SATB1: variants seen among roughly 807,000 people sequenced by gnomAD.
SATB1 encodes the protein DNA-binding protein SATB1.
Under a neutral mutation model 86.9 loss-of-function variants are expected in SATB1, and 11 were observed. The observed-to-expected ratio is 0.13, with a 90% CI of 0.08 to 0.21. The LOEUF (loss-of-function observed/expected upper bound fraction) is 0.21. SATB1 is among the 10% of genes least tolerant of loss of function. The pLI is 1.00. For synonymous variants in SATB1, 357 were observed against 357.2 expected (o/e 1.00, Z 0.01); for missense variants, 551 against 937.6 (o/e 0.59, Z 5.39).
intron 9 of SATB1, among the ~76,000 whole-genome samples, chr3:18,354,423 TCA>T (rs547856072): frequency 7.2e-5 from 11 of 152,204 alleles, no homozygotes; most frequent in Non-Finnish European, 1.3e-4. Context: ...ACACAGCAAA[TCA>T]CACAGTTTTA....
Position 18,443,821 on chromosome 3 carries a change from C to T in SATB1, c.-25+1697G>A, listed in dbSNP as rs546953869. On this transcript the variant is annotated intron_variant, in intron 1 of 3. Transcript: ENST00000415069. This position sits in a 1 kb window ranked among gnomAD's most constrained non-coding sequence, Gnocchi z 4.4. ...CGAGGCTGCACCTGTGATGTCCCGG[C>T]CCCTGCTAAGAGGACGGCCCTTTCT... is the stretch of plus-strand genomic sequence containing the variant. 7.9e-5 allele frequency among the ~76,000 whole-genome samples: 12 copies of T among 152,202 alleles called. No homozygotes were observed. The highest frequency in any genetic ancestry group is 1.0e-4 in the Non-Finnish European group (7 of 68,036).
upstream of SATB1, among the ~76,000 whole-genome samples, chr3:18,429,266 T>C (rs1052645584): frequency 3.9e-5 from 6 of 152,222 alleles, no homozygotes; most frequent in Admixed American, 2.6e-4. The surrounding 1 kb of genome is among the most constrained non-coding windows in gnomAD (Gnocchi z 4.1). Flanking sequence ...TTCTGCATCG[T>C]TTCCTGAATG....
At chr3:18,353,855 T>C (rs1260454669) in intron 9 of SATB1, among the ~76,000 whole-genome samples, 1 of 152,244 alleles carries the variant, frequency 6.6e-6, no homozygotes, top group East Asian at 1.9e-4. Context: ...TCAACATGTC[T>C]TTTAATTAAG....
upstream of SATB1, among the ~76,000 whole-genome samples, chr3:18,426,831 A>C (rs1450832226): frequency 6.6e-6 from 1 of 152,260 alleles, no homozygotes; most frequent in Non-Finnish European, 1.5e-5. The surrounding 1 kb of genome is among the most constrained non-coding windows in gnomAD (Gnocchi z 4.2). Context: ...ATACACTCTT[A>C]GGCACACTGT....
In SATB1 at chr3:18,444,675, G is replaced by A. The variant is rs958239010; in HGVS notation, c.-25+843C>T. 1.0e-4 allele frequency: 102 copies of A among 984,324 alleles called. No individual in the cohort carries two copies. The South Asian group carries it at 3.9e-3, about 38-fold the overall frequency. 61.0% of individuals were successfully genotyped at this position (984,324 alleles called of 1,614,324 possible). On this transcript the variant is annotated intron_variant, in intron 1 of 3. Coordinates refer to the SATB1 transcript ENST00000415069. This position sits in a 1 kb window ranked among gnomAD's most constrained non-coding sequence, Gnocchi z 5.1. ...CCTGAAACCAAGAACGGCTCCCCGG[G>A]CGGGCGCGCCGGCGTCGGACTTCCG...
chr3:18,368,325 A>G (rs997786982), intron 9 of SATB1, among the ~76,000 whole-genome samples: 6 of 152,240 alleles, frequency 3.9e-5, no homozygotes, highest in Admixed American at 1.3e-4. Context: ...TAGATGGAAG[A>G]AGAGTTCTAA....
Position 18,349,897 on chromosome 3 carries a change from T to TG in SATB1, c.1780-216dup, listed in dbSNP as rs1268326893. The TG allele has an allele frequency of 3.2e-5, 25 of 779,912 alleles. No individual in the cohort carries two copies. Among genetic ancestry groups the TG allele is most frequent in the Middle Eastern group, 3.8e-4 (1 of 2,608 alleles). The allele number at this position is 779,912 out of a possible 1,614,324, so 48.3% of individuals were successfully genotyped here. On this transcript the variant is annotated intron_variant, in intron 10 of 10. Coordinates refer to ENST00000338745, the MANE Select transcript of SATB1 (RefSeq NM_002971.6). This position sits in a 1 kb window ranked among gnomAD's most constrained non-coding sequence, Gnocchi z 5.5. ...AGGAAGGGATGAATTAAGACAGCTT[T>TG]GGGGGGCTACTGCACTTACTTATCA...
chr3:18,420,598 G>A (rs1411673724), intron 2 of SATB1, 159 bp downstream of exon 2: 3 of 642,898 alleles, frequency 4.7e-6, no homozygotes, highest in Non-Finnish European at 8.3e-6. Context: ...TTTCCAACGT[G>A]ATTGATACTA....
Position 18,352,960 on chromosome 3 carries a change from T to A in SATB1, c.1576-765A>T, listed in dbSNP as rs960250924. On this transcript the variant is annotated intron_variant, in intron 9 of 10. Coordinates refer to ENST00000338745, the MANE Select transcript of SATB1 (RefSeq NM_002971.6). The surrounding 1 kb of genome is among the most constrained non-coding windows in gnomAD (Gnocchi z 4.1). The stretch of plus-strand genomic sequence containing the variant: ...CCAGTTTTTTTACCCTGAGGTTATC[T>A]ATCAAGAACTGAATGATCATGAAGA... The A allele has an allele frequency of 6.6e-6, 1 of 152,196 alleles. No homozygotes were observed. Among genetic ancestry groups the A allele is most frequent in the South Asian group, 2.1e-4 (1 of 4,826 alleles). The allele number at this position is 152,196 out of a possible 1,614,324, so 9.4% of individuals were successfully genotyped here. A position where few individuals can be genotyped will look rare whatever the true frequency, so the allele number is the denominator to read the frequency against.
At chr3:18,390,685 C>G (rs1055672951) in intron 7 of SATB1, among the ~76,000 whole-genome samples, 1 of 152,022 alleles carries the variant, frequency 6.6e-6, no homozygotes, top group Non-Finnish European at 1.5e-5. Context: ...TGGTCCATTA[C>G]TGTTATCAGT....
intron 5 of SATB1, among the ~76,000 whole-genome samples, chr3:18,402,014 G>T (rs893129139): frequency 6.6e-6 from 1 of 152,080 alleles, no homozygotes; most frequent in Non-Finnish European, 1.5e-5. Flanking sequence ...AAGATAGATA[G>T]AACATTCTGA....
rs113895361 is a variant in SATB1, at chr3:18,362,671, G to C, written c.1576-10476C>G. On this transcript the variant is annotated intron_variant, in intron 9 of 10. Transcript: ENST00000338745. ...ATTTTCTTTAAAAAGAAGAATTTAT[G>C]CTAGGAAACTTTACTTTTCCTAAAT... Among the ~76,000 whole-genome samples the C allele has an allele frequency of 4.3e-3, 655 of 151,916 alleles. 7 individuals carry two copies. The highest frequency in any genetic ancestry group is 0.015 in the African/African-American group (603 of 41,490).
In SATB1 at chr3:18,359,759, C is replaced by A. The variant is rs182744502; in HGVS notation, c.1576-7564G>T. 4.4e-3 allele frequency among the ~76,000 whole-genome samples: 664 copies of A among 151,858 alleles called. 3 individuals are homozygous for A. The highest frequency in any genetic ancestry group is 0.015 in the African/African-American group (621 of 41,428). On this transcript the variant is annotated intron_variant, in intron 9 of 10. Coordinates refer to ENST00000338745, the MANE Select transcript of SATB1 (RefSeq NM_002971.6). ...ATTTAACATTTATGCACTTTCTCTT[C>A]AAATGTTAACTTTTAATTTTCTCCT...
At chr3:18,379,753 C>G (rs1423962869) in intron 8 of SATB1, among the ~76,000 whole-genome samples, 1 of 152,148 alleles carries the variant, frequency 6.6e-6, no homozygotes, top group Non-Finnish European at 1.5e-5. Context: ...GATGCTTTCA[C>G]CATGATACCA....
chr3:18,445,408 G>A (rs1405632947), intron 1 of SATB1: 1 of 985,372 alleles, frequency 1.0e-6, no homozygotes, highest in Non-Finnish European at 1.2e-6. Context: ...GCACACGGGG[G>A]TTGGCGCGGA....
chr3:18,387,870 A>G lies in SATB1; in HGVS notation c.1207-1259T>C, dbSNP rs186065237. On this transcript the variant is annotated intron_variant, in intron 7 of 10. Coordinates refer to ENST00000338745, the MANE Select transcript of SATB1 (RefSeq NM_002971.6). Reference sequence around the variant, plus strand: ...ACATTTGTTTTTTTCATGGTTTGTTAGAAGTACAAACCTGGTTTTGTTCCC... The same window carrying G: ...ACATTTGTTTTTTTCATGGTTTGTTGGAAGTACAAACCTGGTTTTGTTCCC... Among the ~76,000 whole-genome samples the G allele has an allele frequency of 4.3e-3, 652 of 152,324 alleles. 2 individuals carry two copies. Among genetic ancestry groups the G allele is most frequent in the Middle Eastern group, 6.8e-3 (2 of 294 alleles).
At chr3:18,417,583 G>T in intron 2 of SATB1, 1 of 638,146 alleles carries the variant, frequency 1.6e-6, no homozygotes, top group Non-Finnish European at 2.8e-6. Context: ...TCCTTTTTTA[G>T]ATATTAACTC....
intron 5 of SATB1, among the ~76,000 whole-genome samples, chr3:18,399,927 C>T (rs1038807806): frequency 6.6e-5 from 10 of 151,688 alleles, no homozygotes; most frequent in East Asian, 1.9e-4. Context: ...TGGGCGTGGG[C>T]GTGTGTGTGT....
upstream of SATB1, among the ~76,000 whole-genome samples, chr3:18,430,232 C>A (rs1698845219): frequency 6.6e-6 from 1 of 152,136 alleles, no homozygotes; most frequent in Non-Finnish European, 1.5e-5. Flanking sequence ...CTAAGGGAAT[C>A]CAAGACCTGG....
Sources: gnomAD v4.1 joint callset for allele counts (sites outside exome capture counted in the v4.1 genomes callset) on GRCh38, gnomAD v4.1.1 for gene constraint, Gnocchi (gnomAD v3.1) non-coding constraint, MANE v1.5 for transcripts, NCBI Gene and HGNC (gene_info 2026-07-23, HGNC 2026-07-21) for gene names.